Variants in THSD7A observed in about 807,000 individuals in gnomAD.
THSD7A encodes thrombospondin type 1 domain containing 7A.
Under a neutral mutation model 231.3 loss-of-function variants are expected in THSD7A, and 96 were observed. That is an observed-to-expected ratio of 0.41 (90% CI 0.35 to 0.49). The LOEUF (loss-of-function observed/expected upper bound fraction) is 0.49, where lower values mean the gene tolerates loss of function less well. Ranked by LOEUF, THSD7A falls within the 20% of genes least tolerant of loss-of-function variation. The pLI, the probability that THSD7A is intolerant of heterozygous loss-of-function variation, is 0.05. For missense variants in THSD7A, 2,290 were observed against 2,070.2 expected (o/e 1.11, Z -2.06); for synonymous variants, 940 against 743.3 (o/e 1.26, Z -4.30).
chr7:11,733,053 C>G (rs562331729), intron 1 of THSD7A, among the ~76,000 whole-genome samples: 1 of 151,864 alleles, frequency 6.6e-6, no homozygotes, highest in East Asian at 2.0e-4. Flanking sequence ...ATATTGACAG[C>G]CTCTGGAGAT....
rs1781851792 is a variant in THSD7A, at chr7:11,636,456, A to G, written c.696T>C (p.Cys232=). The G allele has an allele frequency of 6.2e-7, 1 of 1,613,602 alleles. No homozygotes were observed. The highest frequency in any genetic ancestry group is 1.7e-5 in the Admixed American group (1 of 59,986). ...ACACCTGGAACTCCGTCAGGTTTGG[A>G]CAGCCAGAGCCTCCGAACTGCGGGG... The part of the protein sequence containing the change: ...VAPPQFGGSG[C]PNLTEFQVCQ... The change falls in exon 2 of 28, where the codon TGT becomes TGC. Residue 232 remains cysteine (C), a synonymous_variant. Transcript: ENST00000423059. This position sits in a 1 kb window ranked among gnomAD's most constrained non-coding sequence, Gnocchi z 10.0.
chr7:11,473,112 T>C (rs992115549), intron 8 of THSD7A, among the ~76,000 whole-genome samples: 2 of 152,186 alleles, frequency 1.3e-5, no homozygotes, highest in African/African-American at 4.8e-5. Context: ...CTCACTGGCA[T>C]GTCTTCTGTG....
At chr7:11,496,157 T>C (rs1157362803) in intron 6 of THSD7A, among the ~76,000 whole-genome samples, 3 of 152,180 alleles carry the variant, frequency 2.0e-5, no homozygotes, top group Non-Finnish European at 4.4e-5. Context: ...TGCAATGTTA[T>C]GTGCCAGGCA....
At chr7:11,749,507 TG>T (rs113337932) in intron 1 of THSD7A, among the ~76,000 whole-genome samples, 4,038 of 152,064 alleles carry the variant, frequency 0.027, 193 homozygotes, top group African/African-American at 0.093. Context: ...ATCACCCAAA[TG>T]TGTATGTTTG....
intron 1 of THSD7A, among the ~76,000 whole-genome samples, chr7:11,675,563 C>T (rs188550795): frequency 4.5e-4 from 68 of 152,274 alleles, no homozygotes; most frequent in Middle Eastern, 3.4e-3. Context: ...ACCTGGGATG[C>T]TCCAGCTTGG....
chr7:11,812,623 G>A (rs1784565388), intron 1 of THSD7A, among the ~76,000 whole-genome samples: 1 of 152,088 alleles, frequency 6.6e-6, no homozygotes, highest in African/African-American at 2.4e-5. Context: ...GTGCTTGTGT[G>A]AAAATATTAA....
intron 8 of THSD7A, among the ~76,000 whole-genome samples, chr7:11,471,073 C>G (rs1312613476): frequency 2.6e-5 from 4 of 151,866 alleles, no homozygotes; most frequent in Non-Finnish European, 4.4e-5. Context: ...TGCTAGAGGT[C>G]AAATGCTGAT....
intron 1 of THSD7A, among the ~76,000 whole-genome samples, chr7:11,732,223 A>G (rs904806813): frequency 6.6e-6 from 1 of 151,796 alleles, no homozygotes; most frequent in Non-Finnish European, 1.5e-5. Flanking sequence ...AGATCCACAC[A>G]ACACCCTTTG....
At chr7:11,764,710 G>T (rs1782979428) in intron 1 of THSD7A, among the ~76,000 whole-genome samples, 2 of 151,864 alleles carry the variant, frequency 1.3e-5, no homozygotes, top group South Asian at 4.1e-4. Flanking sequence ...AGTAATTATG[G>T]AATGAGCCAA....
At chr7:11,798,485 A>G (rs567194442) in intron 1 of THSD7A, among the ~76,000 whole-genome samples, 1 of 151,990 alleles carries the variant, frequency 6.6e-6, no homozygotes, top group Non-Finnish European at 1.5e-5. Context: ...AAACAAAACA[A>G]AAAAAGAAAA....
chr7:11,778,155 T>TAAAAAAAAAAAAAAAAA, intron 1 of THSD7A, among the ~76,000 whole-genome samples: 1 of 4,868 alleles, frequency 2.1e-4, no homozygotes, highest in Non-Finnish European at 4.1e-4. Context: ...AGACTCCGTC[T>TAAAAAAAAAAAAAAAAA]CAAAAAAAAA....
At chr7:11,654,320 T>A (rs1300906873) in intron 1 of THSD7A, among the ~76,000 whole-genome samples, 13 of 151,958 alleles carry the variant, frequency 8.6e-5, no homozygotes, top group Non-Finnish European at 1.8e-4. Flanking sequence ...GTTGAGTATT[T>A]CTAATTCTGA....
intron 23 of THSD7A, among the ~76,000 whole-genome samples, chr7:11,389,817 A>G (rs549250340): frequency 7.1e-4 from 108 of 152,280 alleles, no homozygotes; most frequent in African/African-American, 2.3e-3. Flanking sequence ...GGTGGTGACA[A>G]AATCTCTCAG....
At position 11,371,582 on chromosome 7, in the gene THSD7A, G is replaced by T. The variant is rs573268171; in HGVS notation, c.*4212C>A. Reference sequence around the variant, plus strand: ...CTTCTCATGTACTATTGAGACCCACGTCAGCTTTAGAACAGGCTCTCCCTT... The same window carrying T: ...CTTCTCATGTACTATTGAGACCCACTTCAGCTTTAGAACAGGCTCTCCCTT... On this transcript the variant is annotated 3_prime_UTR_variant, in exon 28 of 28. Coordinates refer to ENST00000423059, the MANE Select transcript of THSD7A (RefSeq NM_015204.3). 1.3e-5 allele frequency: 2 copies of T among 152,230 alleles called. No individual in the cohort carries two copies. The highest frequency in any genetic ancestry group is 4.1e-4 in the South Asian group (2 of 4,826). 9.4% of individuals were successfully genotyped at this position (152,230 alleles called of 1,614,324 possible).
At position 11,377,337 on chromosome 7, in the gene THSD7A, C is replaced by CT; in HGVS notation, c.4802-681dup. Among the ~76,000 whole-genome samples the CT allele has an allele frequency of 6.6e-6, 1 of 152,096 alleles. No homozygotes were observed. The highest frequency in any genetic ancestry group is 3.4e-3 in the Middle Eastern group (1 of 294). ...TTGTAATTTGGGTTTCTGGTCTCAT[C>CT]TTTGAACTCCTCAGTTCTATGCTCC... On this transcript the variant is annotated intron_variant, in intron 26 of 27. Coordinates refer to ENST00000423059, the MANE Select transcript of THSD7A (RefSeq NM_015204.3). This position sits in a 1 kb window ranked among gnomAD's most constrained non-coding sequence, Gnocchi z 4.5.
chr7:11,692,103 A>G (rs1427604636), intron 1 of THSD7A, among the ~76,000 whole-genome samples: 1 of 151,408 alleles, frequency 6.6e-6, no homozygotes, highest in Non-Finnish European at 1.5e-5. Flanking sequence ...GATGGATCCA[A>G]AGGTTCCAGC....
At chr7:11,395,144 CAA>C (rs56112219) in intron 23 of THSD7A, among the ~76,000 whole-genome samples, 36,913 of 124,802 alleles carry the variant, frequency 0.3, 5,571 homozygotes, top group African/African-American at 0.47. Context: ...AAATGGAAAG[CAA>C]AAAAAAAAAA....
chr7:11,718,131 A>G (rs905612403), intron 1 of THSD7A, among the ~76,000 whole-genome samples: 2 of 151,702 alleles, frequency 1.3e-5, no homozygotes, highest in Admixed American at 6.6e-5. Context: ...AGCATGCTGC[A>G]TCCTCTCTTG....
rs142090770 is a variant in THSD7A at position 11,649,395 on chromosome 7, A to T, written c.191-12434T>A. Among the ~76,000 whole-genome samples the T allele has an allele frequency of 4.2e-3, 637 of 152,156 alleles. 3 individuals are homozygous for T. The highest frequency in any genetic ancestry group is 0.015 in the African/African-American group (604 of 41,536). On this transcript the variant is annotated intron_variant, in intron 1 of 27. Transcript: ENST00000423059. ...GATGCAAAGCAACTATGGGATAATG[A>T]ATATTTATTGGTTATAAGCTGCTAA...
Sources: allele counts gnomAD v4.1 joint callset (sites outside exome capture counted in the v4.1 genomes callset), GRCh38; gene constraint gnomAD v4.1.1; non-coding constraint Gnocchi (gnomAD v3.1); transcripts MANE v1.5; gene names NCBI Gene and HGNC (gene_info 2026-07-23, HGNC 2026-07-21).